Variants in NFIA observed in about 807,000 individuals in gnomAD.
The protein encoded by NFIA is nuclear factor I A, also known as nuclear factor 1 A-type.
In NFIA, 8 loss-of-function variants were observed where a neutral mutation model predicts 62.8. The ratio of observed to expected loss-of-function variants is 0.13; its 90% CI spans 0.07 to 0.23. The LOEUF (loss-of-function observed/expected upper bound fraction) is 0.23. NFIA is among the 10% of genes least tolerant of loss of function. The pLI is 1.00. For synonymous variants in NFIA, 235 were observed against 238.1 expected (o/e 0.99, Z 0.12); for missense variants, 410 against 642.1 (o/e 0.64, Z 3.91).
intron 3 of NFIA, among the ~76,000 whole-genome samples, chr1:61,286,842 A>C (rs1658533078): frequency 6.6e-6 from 1 of 152,240 alleles, no homozygotes; most frequent in African/African-American, 2.4e-5. Flanking sequence ...TTGACATTTG[A>C]GTTAAGTCCT....
intron 2 of NFIA, among the ~76,000 whole-genome samples, chr1:61,180,612 A>C (rs1161744095): frequency 2.0e-5 from 3 of 152,028 alleles, no homozygotes; most frequent in African/African-American, 4.8e-5. Context: ...AAGTCTTGGG[A>C]CTCTCAAAAA....
chr1:61,190,992 C>T (rs1485374299), intron 2 of NFIA, among the ~76,000 whole-genome samples: 1 of 150,088 alleles, frequency 6.7e-6, no homozygotes, highest in Admixed American at 6.7e-5. Flanking sequence ...GTTTTGACAC[C>T]ACAATAAATT....
intron 2 of NFIA, among the ~76,000 whole-genome samples, chr1:61,113,424 C>G (rs923836095): frequency 6.6e-6 from 1 of 151,858 alleles, no homozygotes; most frequent in African/African-American, 2.4e-5. Flanking sequence ...AAAACCCAGT[C>G]TCTTCTAAAA....
chr1:61,366,189 A>C (rs1663575214), intron 6 of NFIA, among the ~76,000 whole-genome samples: 1 of 152,198 alleles, frequency 6.6e-6, no homozygotes, highest in African/African-American at 2.4e-5. Context: ...GATTTATACC[A>C]GGGGTCCAGT....
chr1:61,388,989 C>A (rs1370945321), intron 7 of NFIA, among the ~76,000 whole-genome samples: 1 of 151,978 alleles, frequency 6.6e-6, no homozygotes, highest in Non-Finnish European at 1.5e-5. Flanking sequence ...TGGTAGAGAC[C>A]TGTGGTCCTA....
intron 10 of NFIA, among the ~76,000 whole-genome samples, chr1:61,451,587 A>G (rs1668062775): frequency 6.6e-6 from 1 of 152,202 alleles, no homozygotes; most frequent in Non-Finnish European, 1.5e-5. Flanking sequence ...CCCAAACTCT[A>G]GACATTGTGA....
chr1:61,106,643 A>G (rs1646606180), intron 2 of NFIA, among the ~76,000 whole-genome samples: 1 of 151,842 alleles, frequency 6.6e-6, no homozygotes, highest in African/African-American at 2.4e-5. Flanking sequence ...TTATTGTAAC[A>G]AACATTCCTG....
intron 2 of NFIA, among the ~76,000 whole-genome samples, chr1:61,200,692 A>G (rs184636614): frequency 5.3e-5 from 8 of 152,326 alleles, no homozygotes; most frequent in Non-Finnish European, 1.0e-4. Context: ...TTACCTATTC[A>G]GTCCAGTGAA....
At chr1:61,254,666 A>T (rs2100220990) in intron 2 of NFIA, among the ~76,000 whole-genome samples, 1 of 152,352 alleles carries the variant, frequency 6.6e-6, no homozygotes, top group Non-Finnish European at 1.5e-5. Flanking sequence ...GTCTCAGAGC[A>T]CAGTAAGATT....
intron 2 of NFIA, among the ~76,000 whole-genome samples, chr1:61,250,456 T>C (rs909718969): frequency 6.6e-6 from 1 of 152,222 alleles, no homozygotes; most frequent in African/African-American, 2.4e-5. Flanking sequence ...AGAGGAATGT[T>C]TATTTTTACA....
intron 10 of NFIA, among the ~76,000 whole-genome samples, chr1:61,447,870 G>T (rs940730282): frequency 3.3e-5 from 5 of 152,176 alleles, no homozygotes; most frequent in African/African-American, 1.2e-4. Context: ...GGGCAGGTAC[G>T]CTGGTGGTGC....
chr1:61,365,487 G>A (rs1663539287), intron 6 of NFIA, among the ~76,000 whole-genome samples: 1 of 152,170 alleles, frequency 6.6e-6, no homozygotes, highest in Non-Finnish European at 1.5e-5. Context: ...ATTGGATTCT[G>A]GGTGACTCTA....
At chr1:61,170,973 G>A (rs1649925325) in intron 2 of NFIA, among the ~76,000 whole-genome samples, 1 of 152,186 alleles carries the variant, frequency 6.6e-6, no homozygotes, top group African/African-American at 2.4e-5. Context: ...AGAGAATAAT[G>A]TCTAACTTGC....
At chr1:61,209,745 G>A (rs1408536884) in intron 2 of NFIA, among the ~76,000 whole-genome samples, 1 of 152,006 alleles carries the variant, frequency 6.6e-6, no homozygotes, top group Non-Finnish European at 1.5e-5. Context: ...CCAGCTACTC[G>A]GAAGGGTGAG....
intron 2 of NFIA, among the ~76,000 whole-genome samples, chr1:61,112,701 C>T (rs1030987385): frequency 6.6e-6 from 1 of 152,162 alleles, no homozygotes; most frequent in Non-Finnish European, 1.5e-5. Flanking sequence ...ATTTAATAAA[C>T]TATCTTCTTT....
At chr1:61,304,531 G>A (rs1330572308) in intron 3 of NFIA, among the ~76,000 whole-genome samples, 1 of 152,130 alleles carries the variant, frequency 6.6e-6, no homozygotes, top group Non-Finnish European at 1.5e-5. Context: ...TTCAAATATG[G>A]CTGACAAGGA....
chr1:61,200,040 A>ATATG (rs1557631978), intron 2 of NFIA, among the ~76,000 whole-genome samples: 6 of 47,130 alleles, frequency 1.3e-4, no homozygotes, highest in African/African-American at 7.5e-4. Flanking sequence ...ATATATATAT[A>ATATG]TATATATATA....
chr1:61,127,752 T>A (rs940883703), intron 2 of NFIA, among the ~76,000 whole-genome samples: 2 of 151,332 alleles, frequency 1.3e-5, no homozygotes, highest in Admixed American at 6.6e-5. Flanking sequence ...ACAGGCCTTT[T>A]AAAAAAAAAG....
chr1:61,203,788 CTT>C (rs1369970293), intron 2 of NFIA, among the ~76,000 whole-genome samples: 1 of 152,038 alleles, frequency 6.6e-6, no homozygotes, highest in Non-Finnish European at 1.5e-5. Context: ...TGCCCTATAA[CTT>C]TTGTTTGGAC....
Sources: gnomAD v4.1 joint callset for allele counts (sites outside exome capture counted in the v4.1 genomes callset) on GRCh38, gnomAD v4.1.1 for gene constraint, MANE v1.5 for transcripts, NCBI Gene and HGNC (gene_info 2026-07-23, HGNC 2026-07-21) for gene names.